Variants in TOP1 observed in about 807,000 individuals in gnomAD.
TOP1 encodes DNA topoisomerase 1.
TOP1 carries 10 observed loss-of-function variants against 111.1 expected under a neutral mutation model. The ratio of observed to expected loss-of-function variants is 0.09; its 90% CI spans 0.06 to 0.15. The LOEUF is 0.15. Among genes scored for constraint, TOP1 ranks in the 10% least tolerant of loss-of-function variants. The pLI is 1.00. For synonymous variants in TOP1, 271 were observed against 302.9 expected, an observed-to-expected ratio of 0.89 and a Z score of 1.10; for missense variants, 474 against 926.7, an observed-to-expected ratio of 0.51 and a Z score of 6.34.
In TOP1 at chr20:41,029,167, G is replaced by A; in HGVS notation, c.33+67G>A. On this transcript the variant is annotated intron_variant, in intron 1 of 20. Transcript: ENST00000361337. This position sits in a 1 kb window ranked among gnomAD's most constrained non-coding sequence, Gnocchi z 6.1. ...GGCCGTCCCGCGACCCCCGGCGCAGGCCCCGACCCCAGCCCCGGCCCGGCA... is the reference window on the plus strand; with the variant it reads ...GGCCGTCCCGCGACCCCCGGCGCAGACCCCGACCCCAGCCCCGGCCCGGCA... 3 of 1,259,470 alleles carry A rather than the reference G, an allele frequency of 2.4e-6. No homozygotes were observed. The highest frequency in any genetic ancestry group is 3.1e-6 in the Non-Finnish European group (3 of 960,886). 78.0% of individuals were successfully genotyped at this position (1,259,470 alleles called of 1,614,324 possible). A position where few individuals can be genotyped will look rare whatever the true frequency, so the allele number is the denominator to read the frequency against.
chr20:41,075,753 C>T (rs1171548506), intron 3 of TOP1, among the ~76,000 whole-genome samples: 1 of 152,198 alleles, frequency 6.6e-6, no homozygotes, highest in Non-Finnish European at 1.5e-5. Flanking sequence ...TCCATAAACC[C>T]TGGCTTGGCT....
chr20:41,062,875 G>T (rs1389380954), intron 3 of TOP1, among the ~76,000 whole-genome samples: 1 of 152,132 alleles, frequency 6.6e-6, no homozygotes, highest in Non-Finnish European at 1.5e-5. Context: ...GACATTTATA[G>T]GTTTTTCCCA....
At chr20:41,033,257 A>G (rs1173070440) in intron 2 of TOP1, among the ~76,000 whole-genome samples, 14 of 151,622 alleles carry the variant, frequency 9.2e-5, no homozygotes, top group African/African-American at 3.2e-4. Context: ...ACGGTCACCA[A>G]CTCCTGCTTT....
rs556182128 is a variant in TOP1, at chr20:41,123,153, T to C, written c.2196-42T>C. The stretch of plus-strand genomic sequence containing the variant: ...CTGGGCCTCAGATATGGGCCATTGC[T>C]GAGTCACCCTAATCCCCCCCTTATT... On this transcript the variant is annotated intron_variant, in intron 20 of 20. Coordinates refer to ENST00000361337, the MANE Select transcript of TOP1 (RefSeq NM_003286.4). The surrounding 1 kb of genome is among the most constrained non-coding windows in gnomAD (Gnocchi z 5.8). 9 of 1,420,876 alleles carry C rather than the reference T, an allele frequency of 6.3e-6. No homozygotes were observed. The highest frequency in any genetic ancestry group is 4.2e-5 in the African/African-American group (3 of 71,120). The allele number at this position is 1,420,876 out of a possible 1,614,324, so 88.0% of individuals were successfully genotyped here. A position where few individuals can be genotyped will look rare whatever the true frequency, so the allele number is the denominator to read the frequency against.
intron 2 of TOP1, among the ~76,000 whole-genome samples, chr20:41,055,849 C>G (rs902928743): frequency 6.6e-6 from 1 of 152,176 alleles, no homozygotes; most frequent in African/African-American, 2.4e-5. Flanking sequence ...TTATCTCTTA[C>G]TATGCCTTAA....
rs1387312440 is a variant in TOP1 at position 41,114,359 on chromosome 20, T to G, written c.1638+204T>G. On this transcript the variant is annotated intron_variant, in intron 15 of 20. Coordinates refer to ENST00000361337, the MANE Select transcript of TOP1 (RefSeq NM_003286.4). The surrounding 1 kb of genome is among the most constrained non-coding windows in gnomAD (Gnocchi z 4.5). Reference sequence around the variant, plus strand: ...AGACCAAAAGTTTGAGGCTGTAGTGTGCTGTGATCACACCTGTGAATAGCC... The same window carrying G: ...AGACCAAAAGTTTGAGGCTGTAGTGGGCTGTGATCACACCTGTGAATAGCC... Among the ~76,000 whole-genome samples, 1 of 152,242 alleles carries G rather than the reference T, an allele frequency of 6.6e-6. No homozygotes were observed. The highest frequency in any genetic ancestry group is 1.5e-5 in the Non-Finnish European group (1 of 68,038).
intron 2 of TOP1, among the ~76,000 whole-genome samples, chr20:41,051,204 A>G (rs2033401408): frequency 6.6e-6 from 1 of 152,200 alleles, no homozygotes. Context: ...TCCATTCCCC[A>G]TACACTTGAC....
chr20:41,098,683 A>G lies in TOP1; in HGVS notation c.975+346A>G, dbSNP rs1264246718. ...TAAGACAGATGAAATCATATTGGCC[A>G]TGTACCTCCCTGCTCTTTGATCTAT... On this transcript the variant is annotated intron_variant, in intron 11 of 20. Coordinates refer to ENST00000361337, the MANE Select transcript of TOP1 (RefSeq NM_003286.4). This position sits in a 1 kb window ranked among gnomAD's most constrained non-coding sequence, Gnocchi z 5.7. The G allele has an allele frequency of 5.7e-6, 1 of 176,144 alleles. No individual in the cohort carries two copies. Among genetic ancestry groups the G allele is most frequent in the Non-Finnish European group, 1.2e-5 (1 of 83,062 alleles). The allele number at this position is 176,144 out of a possible 1,614,324, so 10.9% of individuals were successfully genotyped here. A position where few individuals can be genotyped will look rare whatever the true frequency, so the allele number is the denominator to read the frequency against.
intron 3 of TOP1, among the ~76,000 whole-genome samples, chr20:41,065,651 TAATAC>T (rs2033598046): frequency 6.6e-6 from 1 of 152,256 alleles, no homozygotes; most frequent in Non-Finnish European, 1.5e-5. Context: ...ATAAGTGGAA[TAATAC>T]AATATTTATC....
At chr20:41,085,081 TA>T (rs11477287) in intron 8 of TOP1, among the ~76,000 whole-genome samples, 82,453 of 142,318 alleles carry the variant, frequency 0.58, 24,526 homozygotes, top group East Asian at 0.81. Flanking sequence ...TCATGCCATT[TA>T]AAAAAAAAAA....
Position 41,029,188 on chromosome 20 carries a change from C to T in TOP1, c.33+88C>T, listed in dbSNP as rs1568666537. On this transcript the variant is annotated intron_variant, in intron 1 of 20. Transcript: ENST00000361337. This position sits in a 1 kb window ranked among gnomAD's most constrained non-coding sequence, Gnocchi z 6.1. ...GCAGGCCCCGACCCCAGCCCCGGCC[C>T]GGCAGCTTTGACAGGCCGGAGCCCC... is the stretch of plus-strand genomic sequence containing the variant. The T allele has an allele frequency of 3.6e-6, 4 of 1,119,014 alleles. No individual in the cohort carries two copies. Among genetic ancestry groups the T allele is most frequent in the African/African-American group, 1.7e-5 (1 of 60,154 alleles). 69.3% of individuals were successfully genotyped at this position (1,119,014 alleles called of 1,614,324 possible).
chr20:41,085,498 T>C (rs186408200), intron 8 of TOP1, among the ~76,000 whole-genome samples: 340 of 152,352 alleles, frequency 2.2e-3, no homozygotes, highest in African/African-American at 7.7e-3. Context: ...AATAAACATG[T>C]TTTTAAAAAA....
chr20:41,076,126 T>C, intron 3 of TOP1, 45 bp from the exon 4 acceptor site: 1 of 1,573,016 alleles, frequency 6.4e-7, no homozygotes, highest in Non-Finnish European at 8.6e-7. Context: ...CGAATCCTTG[T>C]GGTCCCTACT....
At chr20:41,042,807 A>G (rs904418984) in intron 2 of TOP1, among the ~76,000 whole-genome samples, 1 of 152,244 alleles carries the variant, frequency 6.6e-6, no homozygotes, top group African/African-American at 2.4e-5. Flanking sequence ...TTTGTATGTT[A>G]TATGTATTAT....
intron 2 of TOP1, among the ~76,000 whole-genome samples, chr20:41,039,600 A>G (rs1201590581): frequency 6.6e-6 from 1 of 152,160 alleles, no homozygotes; most frequent in Admixed American, 6.5e-5. Flanking sequence ...TCCATGTTGC[A>G]TGAATTTTAG....
At chr20:41,033,142 G>A (rs1006465182) in intron 2 of TOP1, among the ~76,000 whole-genome samples, 2 of 151,930 alleles carry the variant, frequency 1.3e-5, no homozygotes, top group Non-Finnish European at 2.9e-5. Flanking sequence ...TTTTAGGCTC[G>A]GATTGGATGT....
At chr20:41,077,113 T>G (rs1489781175) in intron 4 of TOP1, among the ~76,000 whole-genome samples, 1 of 152,014 alleles carries the variant, frequency 6.6e-6, no homozygotes, top group Non-Finnish European at 1.5e-5. Context: ...AAGATGGGGG[T>G]CTCACTGTGT....
rs1430289463 is a variant in TOP1, at chr20:41,069,772, T to G, written c.156-6399T>G. ...TTTGGAGCCCTGATATTTTCAATAT[T>G]ATATTTATCCCTATCATAGTACGCC... On this transcript the variant is annotated intron_variant, in intron 3 of 20. Coordinates refer to ENST00000361337, the MANE Select transcript of TOP1 (RefSeq NM_003286.4). This position sits in a 1 kb window ranked among gnomAD's most constrained non-coding sequence, Gnocchi z 4.1. 6.6e-6 allele frequency among the ~76,000 whole-genome samples: 1 copy of G among 152,236 alleles called. No individual in the cohort carries two copies. Among genetic ancestry groups the G allele is most frequent in the Non-Finnish European group, 1.5e-5 (1 of 68,038 alleles).
rs2033550190 is a variant in TOP1 at position 41,061,932 on chromosome 20, C to T, written c.155+442C>T. On this transcript the variant is annotated intron_variant, in intron 3 of 20. Transcript: ENST00000361337. This position sits in a 1 kb window ranked among gnomAD's most constrained non-coding sequence, Gnocchi z 4.6. ...GTCTGTTAGCCCCTGAAATTATATG[C>T]AAATGGTTGAGTATATGAGATTTCC... Among the ~76,000 whole-genome samples, 1 of 152,008 alleles carries T rather than the reference C, an allele frequency of 6.6e-6. No homozygotes were observed. Among genetic ancestry groups the T allele is most frequent in the South Asian group, 2.1e-4 (1 of 4,832 alleles).
Sources: allele counts gnomAD v4.1 joint callset (sites outside exome capture counted in the v4.1 genomes callset), GRCh38; gene constraint gnomAD v4.1.1; non-coding constraint Gnocchi (gnomAD v3.1); transcripts MANE v1.5; gene names NCBI Gene and HGNC (gene_info 2026-07-23, HGNC 2026-07-21).